TAF4B: variants seen among roughly 807,000 people sequenced by gnomAD.
TAF4B encodes the protein TATA-box binding protein associated factor 4b.
Under a neutral mutation model 86.4 loss-of-function variants are expected in TAF4B, and 38 were observed. The observed-to-expected ratio is 0.44, with a 90% CI of 0.34 to 0.58. The LOEUF (loss-of-function observed/expected upper bound fraction) is 0.58. Among genes scored for constraint, TAF4B ranks in the 20% least tolerant of loss-of-function variants. TAF4B has a pLI of 0.02. For missense variants in TAF4B, 988 were observed against 1,027.6 expected (o/e 0.96, Z 0.53); for synonymous variants, 388 against 391.2 (o/e 0.99, Z 0.10).
At chr18:26,378,626 A>T (rs1266150441) in intron 14 of TAF4B, among the ~76,000 whole-genome samples, 1 of 152,184 alleles carries the variant, frequency 6.6e-6, no homozygotes, top group Non-Finnish European at 1.5e-5. Flanking sequence ...AATAGAATGT[A>T]TTGGTTTTAA....
chr18:26,232,950 G>A (rs1024061805), intron 1 of TAF4B, among the ~76,000 whole-genome samples: 4 of 152,130 alleles, frequency 2.6e-5, no homozygotes, highest in South Asian at 2.1e-4. Context: ...ATGGCCCTGC[G>A]CTGATGGACT....
At chr18:26,351,558 T>C (rs993010436) in intron 13 of TAF4B, among the ~76,000 whole-genome samples, 3 of 152,196 alleles carry the variant, frequency 2.0e-5, no homozygotes, top group African/African-American at 7.2e-5. Context: ...GGTATACTAA[T>C]TATCCTCATC....
chr18:26,239,653 G>A (rs1420160577), intron 1 of TAF4B, among the ~76,000 whole-genome samples: 3 of 152,170 alleles, frequency 2.0e-5, no homozygotes, highest in Non-Finnish European at 2.9e-5. Context: ...TAGTCATGAA[G>A]TCCTTGCCCA....
intron 13 of TAF4B, among the ~76,000 whole-genome samples, chr18:26,352,765 C>A (rs1174996633): frequency 6.6e-6 from 1 of 152,108 alleles, no homozygotes; most frequent in East Asian, 1.9e-4. Context: ...CCCCGCCACA[C>A]CCCTCTCTCC....
intron 7 of TAF4B, 31 bp downstream of exon 7, chr18:26,286,530 C>T: frequency 1.3e-6 from 2 of 1,554,226 alleles, no homozygotes; most frequent in Non-Finnish European, 1.7e-6. Flanking sequence ...TCCCCAGTTA[C>T]TTATTTTGAA....
At chr18:26,260,835 CTTT>C (rs1218598295) in intron 1 of TAF4B, among the ~76,000 whole-genome samples, 3 of 152,274 alleles carry the variant, frequency 2.0e-5, no homozygotes, top group Admixed American at 2.0e-4. Flanking sequence ...CACCTTTCTT[CTTT>C]AAGTATGGTT....
At chr18:26,250,019 G>A (rs142237779) in intron 1 of TAF4B, among the ~76,000 whole-genome samples, 6 of 152,128 alleles carry the variant, frequency 3.9e-5, no homozygotes, top group South Asian at 2.1e-4. Context: ...CACTGCAGCC[G>A]TCCAGTTTTT....
At chr18:26,249,560 G>A (rs929161091) in intron 1 of TAF4B, among the ~76,000 whole-genome samples, 1 of 151,950 alleles carries the variant, frequency 6.6e-6, no homozygotes, top group African/African-American at 2.4e-5. Flanking sequence ...AAGATATAGA[G>A]CATTTCATTC....
chr18:26,320,597 GA>G (rs2056953566), intron 10 of TAF4B, among the ~76,000 whole-genome samples: 1 of 152,098 alleles, frequency 6.6e-6, no homozygotes. Context: ...TAGACAAAAG[GA>G]ATATAGGTAT....
chr18:26,263,705 C>T (rs890909265), intron 1 of TAF4B, among the ~76,000 whole-genome samples: 2 of 148,128 alleles, frequency 1.4e-5, no homozygotes, highest in Non-Finnish European at 3.0e-5. Flanking sequence ...TTCGCTCTTT[C>T]TCTCTTTCTC....
chr18:26,332,833 A>G (rs896016844), intron 12 of TAF4B, among the ~76,000 whole-genome samples: 1 of 152,094 alleles, frequency 6.6e-6, no homozygotes, highest in Non-Finnish European at 1.5e-5. Flanking sequence ...TGCCCAGCCC[A>G]GTGGATTGTT....
chr18:26,274,709 C>T lies in TAF4B; in HGVS notation c.644C>T (p.Pro215Leu). The change falls in exon 4 of 15, where the codon CCA becomes CTA. Residue 215 changes from proline to leucine, a missense_variant. Physicochemically the swap from Pro to Leu is moderately conservative, Grantham distance 98. Coordinates refer to ENST00000269142, the MANE Select transcript of TAF4B (RefSeq NM_005640.3). ...GTCGTCACAGTTACTCCTGGAAAGCCATTGAATACTGTAACTACCCTGAAG... is the reference window on the plus strand; with the variant it reads ...GTCGTCACAGTTACTCCTGGAAAGCTATTGAATACTGTAACTACCCTGAAG... Reference protein sequence around the residue: ...TSVVTVTPGKPLNTVTTLKPS... With the variant: ...TSVVTVTPGKLLNTVTTLKPS... The T allele has an allele frequency of 6.2e-7, 1 of 1,614,166 alleles. No individual in the cohort carries two copies.
chr18:26,333,537 G>A (rs1285513864), intron 12 of TAF4B, among the ~76,000 whole-genome samples: 1 of 152,082 alleles, frequency 6.6e-6, no homozygotes, highest in Non-Finnish European at 1.5e-5. Context: ...CTATAGGCAC[G>A]TGTCACTATG....
At chr18:26,267,432 A>T (rs1421105400) in intron 2 of TAF4B, 84 bp from the exon 3 acceptor site, 1 of 867,772 alleles carries the variant, frequency 1.2e-6, no homozygotes, top group African/African-American at 1.6e-5. Context: ...GCTGTCATAA[A>T]GTGTTCTAAT....
chr18:26,229,501 T>C (rs1011569961), intron 1 of TAF4B, among the ~76,000 whole-genome samples: 4 of 149,950 alleles, frequency 2.7e-5, no homozygotes, highest in Non-Finnish European at 4.4e-5. Context: ...TTTCTTTTTT[T>C]TTTTTTTTTT....
intron 14 of TAF4B, among the ~76,000 whole-genome samples, chr18:26,370,297 C>T (rs28818296): frequency 0.3 from 46,245 of 151,990 alleles, 7,578 homozygotes; most frequent in African/African-American, 0.39. Context: ...TGAATTACAG[C>T]GCAGATTGAA....
intron 13 of TAF4B, among the ~76,000 whole-genome samples, chr18:26,341,987 T>C (rs1459285959): frequency 6.6e-6 from 1 of 152,186 alleles, no homozygotes; most frequent in Non-Finnish European, 1.5e-5. Context: ...GATTCAGATG[T>C]AATTATCAGC....
At chr18:26,349,804 A>G (rs1217426007) in intron 13 of TAF4B, among the ~76,000 whole-genome samples, 1 of 152,262 alleles carries the variant, frequency 6.6e-6, no homozygotes, top group Admixed American at 6.5e-5. Flanking sequence ...ACTTCAAAAT[A>G]TGCTTCAAAA....
intron 1 of TAF4B, among the ~76,000 whole-genome samples, chr18:26,231,152 G>C (rs956153151): frequency 7.0e-6 from 1 of 143,422 alleles, no homozygotes; most frequent in African/African-American, 2.6e-5. Flanking sequence ...CGATTGTCCT[G>C]TCTCAGCCTC....
Sources: allele counts gnomAD v4.1 joint callset (sites outside exome capture counted in the v4.1 genomes callset), GRCh38; gene constraint gnomAD v4.1.1; transcripts MANE v1.5; gene names NCBI Gene and HGNC (gene_info 2026-07-23, HGNC 2026-07-21).